Variants in LIMD1 observed in about 807,000 individuals in gnomAD.
The protein encoded by LIMD1 is LIM domain containing 1.
Under a neutral mutation model 58.4 loss-of-function variants are expected in LIMD1, and 23 were observed. The observed-to-expected ratio is 0.39, with a 90% CI of 0.28 to 0.56. The LOEUF (loss-of-function observed/expected upper bound fraction) is 0.56. LIMD1 is among the 20% of genes least tolerant of loss of function. The pLI, the probability that LIMD1 is intolerant of heterozygous loss-of-function variation, is 0.57. For synonymous variants in LIMD1, 334 were observed against 345.5 expected (o/e 0.97, Z 0.37); for missense variants, 838 against 855.5 (o/e 0.98, Z 0.25).
chr3:45,663,888 T>TTTTTTTTTTTTTTTTTTTG (rs1697476675), intron 2 of LIMD1, among the ~76,000 whole-genome samples: 1 of 142,286 alleles, frequency 7.0e-6, no homozygotes, highest in African/African-American at 2.9e-5. Context: ...TTTTTTTTTT[T>TTTTTTTTTTTTTTTTTTTG]GAGACAGAGT....
chr3:45,643,156 C>T (rs114893653), intron 2 of LIMD1, among the ~76,000 whole-genome samples: 4,612 of 152,244 alleles, frequency 0.03, 76 homozygotes, highest in Non-Finnish European at 0.041. Flanking sequence ...AACACGCTGA[C>T]TTGTGGGGTT....
At chr3:45,599,607 G>A (rs986371935) in intron 1 of LIMD1, among the ~76,000 whole-genome samples, 3 of 152,186 alleles carry the variant, frequency 2.0e-5, no homozygotes, top group Admixed American at 2.0e-4. Flanking sequence ...CTCTACATCA[G>A]CATGTGTTCA....
At chr3:45,627,757 C>T (rs1217379420) in intron 1 of LIMD1, among the ~76,000 whole-genome samples, 2 of 150,876 alleles carry the variant, frequency 1.3e-5, no homozygotes, top group Non-Finnish European at 2.9e-5. Flanking sequence ...CCTGTAATCC[C>T]AGCACTTTGG....
At chr3:45,651,656 G>A (rs1328182579) in intron 2 of LIMD1, among the ~76,000 whole-genome samples, 1 of 151,592 alleles carries the variant, frequency 6.6e-6, no homozygotes, top group Non-Finnish European at 1.5e-5. Flanking sequence ...TTTTAAGATG[G>A]AGTCTTGCCC....
intron 2 of LIMD1, among the ~76,000 whole-genome samples, chr3:45,665,009 A>G (rs1467152065): frequency 6.6e-6 from 1 of 151,950 alleles, no homozygotes; most frequent in South Asian, 2.1e-4. Flanking sequence ...GATGAGAGGG[A>G]CTGATAAAGG....
intron 2 of LIMD1, among the ~76,000 whole-genome samples, chr3:45,657,148 A>C (rs979631472): frequency 6.6e-5 from 10 of 152,088 alleles, no homozygotes; most frequent in Admixed American, 2.0e-4. Context: ...GCTTCTCAGC[A>C]CCAGGTTGCT....
chr3:45,678,801 T>G lies in LIMD1; in HGVS notation c.*1742T>G, dbSNP rs1285303530. The G allele has an allele frequency of 6.6e-6, 1 of 152,258 alleles. No homozygotes were observed. Among genetic ancestry groups the G allele is most frequent in the African/African-American group, 2.4e-5 (1 of 41,458 alleles). 9.4% of individuals were successfully genotyped at this position (152,258 alleles called of 1,614,324 possible). A position where few individuals can be genotyped will look rare whatever the true frequency, so the allele number is the denominator to read the frequency against. ...TGACTCATTTGGTAACCATTGCCTG[T>G]AAGCAGCACAGAATTGGTGCCATGG... On this transcript the variant is annotated 3_prime_UTR_variant, in exon 8 of 8. Transcript: ENST00000273317.
intron 1 of LIMD1, among the ~76,000 whole-genome samples, chr3:45,598,735 A>C (rs267235): frequency 0.18 from 27,314 of 152,116 alleles, 2,725 homozygotes; most frequent in Non-Finnish European, 0.23. Context: ...AAATTGGGTG[A>C]TCAGGGAATG....
intron 1 of LIMD1, among the ~76,000 whole-genome samples, chr3:45,623,000 GC>G (rs1559517171): frequency 2.0e-5 from 3 of 152,116 alleles, no homozygotes; most frequent in African/African-American, 7.2e-5. Context: ...ATGCCAAACT[GC>G]CCTCCAGAAA....
intron 1 of LIMD1, among the ~76,000 whole-genome samples, chr3:45,610,769 C>T (rs965543511): frequency 5.9e-5 from 9 of 152,100 alleles, no homozygotes; most frequent in African/African-American, 1.9e-4. Context: ...TTGTCCAGTA[C>T]GGGAGACTGG....
At position 45,628,478 on chromosome 3, in the gene LIMD1, G is replaced by T. The variant is rs184211214; in HGVS notation, c.1409-7672G>T. 7.3e-4 allele frequency among the ~76,000 whole-genome samples: 111 copies of T among 152,334 alleles called. No individual in the cohort carries two copies. The East Asian group carries it at 0.019, about 26-fold the overall frequency. ...TGCTACTGTATAACCTATTACAATAGAATGGATAACATTTAAAAGACTATT... is the reference window on the plus strand; with the variant it reads ...TGCTACTGTATAACCTATTACAATATAATGGATAACATTTAAAAGACTATT... On this transcript the variant is annotated intron_variant, in intron 1 of 7. Transcript: ENST00000273317.
chr3:45,661,611 C>G lies in LIMD1; in HGVS notation c.1511-4039C>G, dbSNP rs138443722. 5.6e-3 allele frequency among the ~76,000 whole-genome samples: 860 copies of G among 152,282 alleles called. 7 individuals carry two copies. Among genetic ancestry groups the G allele is most frequent in the African/African-American group, 0.02 (816 of 41,562 alleles). On this transcript the variant is annotated intron_variant, in intron 2 of 7. Coordinates refer to ENST00000273317, the MANE Select transcript of LIMD1 (RefSeq NM_014240.3). ...TTGTAAATTCTACTGACATTTAATACAAATTTCTCTCCTAAGAGCTTGTTT... is the reference window on the plus strand; with the variant it reads ...TTGTAAATTCTACTGACATTTAATAGAAATTTCTCTCCTAAGAGCTTGTTT...
intron 2 of LIMD1, among the ~76,000 whole-genome samples, chr3:45,651,995 C>T (rs955358318): frequency 2.0e-5 from 3 of 151,322 alleles, no homozygotes; most frequent in African/African-American, 7.3e-5. Flanking sequence ...GGTGTGATCT[C>T]GGCTCACTGC....
intron 2 of LIMD1, among the ~76,000 whole-genome samples, chr3:45,654,229 C>G (rs775809160): frequency 6.6e-6 from 1 of 152,182 alleles, no homozygotes; most frequent in Non-Finnish European, 1.5e-5. Context: ...TTTCTTTTCT[C>G]GGAAACTCTT....
intron 1 of LIMD1, among the ~76,000 whole-genome samples, chr3:45,603,077 G>T (rs1701432163): frequency 6.6e-6 from 1 of 152,182 alleles, no homozygotes; most frequent in Admixed American, 6.5e-5. Context: ...CTGACCTCAG[G>T]TGATCTGCCC....
chr3:45,651,813 G>A (rs1701976752), intron 2 of LIMD1, among the ~76,000 whole-genome samples: 1 of 151,826 alleles, frequency 6.6e-6, no homozygotes, highest in African/African-American at 2.4e-5. Flanking sequence ...TGTATTTTTA[G>A]TAGAGACAGG....
At chr3:45,639,647 C>G (rs1396156442) in intron 2 of LIMD1, among the ~76,000 whole-genome samples, 1 of 152,096 alleles carries the variant, frequency 6.6e-6, no homozygotes, top group Non-Finnish European at 1.5e-5. Flanking sequence ...CTAATCCCGT[C>G]ACCTTGGAGG....
At chr3:45,663,300 T>C (rs1037339662) in intron 2 of LIMD1, among the ~76,000 whole-genome samples, 1 of 152,210 alleles carries the variant, frequency 6.6e-6, no homozygotes, top group African/African-American at 2.4e-5. Context: ...CATGTTTGGG[T>C]AATCTTCTCA....
At chr3:45,668,241 G>A in intron 3 of LIMD1, 53 bp from the exon 4 acceptor site, 1 of 1,401,224 alleles carries the variant, frequency 7.1e-7, no homozygotes, top group South Asian at 1.2e-5. Flanking sequence ...TGGGGAAGTG[G>A]CTGATTCATC....
Sources: allele counts gnomAD v4.1 joint callset (sites outside exome capture counted in the v4.1 genomes callset), GRCh38; gene constraint gnomAD v4.1.1; transcripts MANE v1.5; gene names NCBI Gene and HGNC (gene_info 2026-07-23, HGNC 2026-07-21).